ATP10B: variants seen among roughly 807,000 people sequenced by gnomAD.
The protein encoded by ATP10B is ATPase phospholipid transporting 10B (putative), also known as phospholipid-transporting ATPase VB.
ATP10B carries 122 observed loss-of-function variants against 141.2 expected under a neutral mutation model. That is an observed-to-expected ratio of 0.86 (90% CI 0.75 to 1.00). The LOEUF (loss-of-function observed/expected upper bound fraction) is 1.00. Ranked by LOEUF, ATP10B falls within the 50% of genes least tolerant of loss-of-function variation. ATP10B has a pLI of 0.00. For synonymous variants in ATP10B, 685 were observed against 692.0 expected, an observed-to-expected ratio of 0.99 and a Z score of 0.16; for missense variants, 1,876 against 1,825.3, an observed-to-expected ratio of 1.03 and a Z score of -0.51.
At chr5:160,799,668 A>G (rs964221719) in intron 1 of ATP10B, among the ~76,000 whole-genome samples, 5 of 152,218 alleles carry the variant, frequency 3.3e-5, no homozygotes, top group African/African-American at 9.7e-5. Context: ...TTTGCCATTC[A>G]TGAATGCTAG....
chr5:160,620,322 G>A, intron 15 of ATP10B, 25 bp downstream of exon 15: 2 of 1,582,284 alleles, frequency 1.3e-6, no homozygotes, highest in South Asian at 2.4e-5. Context: ...CTCTGTGCCT[G>A]GAACCCTGGT....
Position 160,620,957 on chromosome 5 carries a change from G to T in ATP10B, c.1813-7C>A, listed in dbSNP as rs772224251. 1 of 1,602,118 alleles carries T rather than the reference G, an allele frequency of 6.2e-7. No homozygotes were observed. The highest frequency in any genetic ancestry group is 8.5e-7 in the Non-Finnish European group (1 of 1,173,876). On this transcript the variant is annotated splice_region_variant and splice_polypyrimidine_tract_variant and intron_variant, in intron 14 of 25. Transcript: ENST00000327245. ...TTGAGGGTTTGATGGTGACCTTGTGGCCAAAGAAGGAAAGTGGAATATTAC... is the reference window on the plus strand; with the variant it reads ...TTGAGGGTTTGATGGTGACCTTGTGTCCAAAGAAGGAAAGTGGAATATTAC...
the ATP10B span, among the ~76,000 whole-genome samples, chr5:160,892,359 A>G: frequency 6.6e-6 from 1 of 152,216 alleles, no homozygotes; most frequent in Non-Finnish European, 1.5e-5. Flanking sequence ...TTAGCTGATG[A>G]ACGGCCTTGA....
chr5:160,802,005 T>C (rs574589094), intron 1 of ATP10B, among the ~76,000 whole-genome samples: 1 of 152,300 alleles, frequency 6.6e-6, no homozygotes, highest in Admixed American at 6.5e-5. Context: ...GATGAACGTT[T>C]GCCAGCATAG....
intron 1 of ATP10B, among the ~76,000 whole-genome samples, chr5:160,802,491 T>G (rs1772441172): frequency 6.6e-6 from 1 of 152,178 alleles, no homozygotes; most frequent in Non-Finnish European, 1.5e-5. Flanking sequence ...GATGAGACAA[T>G]GCCTGCGATA....
intron 24 of ATP10B, among the ~76,000 whole-genome samples, chr5:160,580,304 C>CATAA (rs1179864266): frequency 1.3e-5 from 2 of 152,152 alleles, no homozygotes; most frequent in Non-Finnish European, 2.9e-5. Context: ...ATGGGTTTGT[C>CATAA]ATAAATAGCT....
chr5:160,596,033 C>A (rs913080292), intron 22 of ATP10B, among the ~76,000 whole-genome samples: 19 of 151,998 alleles, frequency 1.3e-4, no homozygotes, highest in Non-Finnish European at 1.6e-4. Flanking sequence ...TCCTCCCTAA[C>A]TCATTTTATG....
chr5:160,654,688 A>AGTCATTGTC (rs1489530760), intron 7 of ATP10B, among the ~76,000 whole-genome samples: 11 of 150,602 alleles, frequency 7.3e-5, no homozygotes, highest in Non-Finnish European at 1.2e-4. Context: ...CAGATTCCAA[A>AGTCATTGTC]GTCATTGTCG....
intron 6 of ATP10B, among the ~76,000 whole-genome samples, chr5:160,680,324 C>A (rs1259136269): frequency 6.6e-6 from 1 of 151,940 alleles, no homozygotes; most frequent in Non-Finnish European, 1.5e-5. Context: ...CCTCTTAAAT[C>A]TTGTATTCTT....
chr5:160,600,100 T>C (rs1432098480), intron 21 of ATP10B, among the ~76,000 whole-genome samples: 3 of 152,230 alleles, frequency 2.0e-5, no homozygotes, highest in African/African-American at 7.2e-5. Flanking sequence ...TAGTACATCA[T>C]TGGATGTGCA....
chr5:160,762,945 A>C (rs1769148783), intron 2 of ATP10B, among the ~76,000 whole-genome samples: 1 of 152,194 alleles, frequency 6.6e-6, no homozygotes, highest in Non-Finnish European at 1.5e-5. Flanking sequence ...ACATCAAAGA[A>C]ACAACAGCTA....
chr5:160,852,255 A>T (rs1214124932), upstream of ATP10B: 1 of 152,182 alleles, frequency 6.6e-6, no homozygotes, highest in Non-Finnish European at 1.5e-5. Flanking sequence ...GTCCCAGAAC[A>T]GTGAAGGCAG....
intron 7 of ATP10B, among the ~76,000 whole-genome samples, chr5:160,656,122 C>T (rs923072186): frequency 2.0e-5 from 3 of 152,148 alleles, no homozygotes; most frequent in African/African-American, 4.8e-5. Context: ...TAAGTCTTTA[C>T]AATTAATGAT....
At chr5:160,906,572 A>T in the ATP10B span, among the ~76,000 whole-genome samples, 1 of 152,196 alleles carries the variant, frequency 6.6e-6, no homozygotes, top group Admixed American at 6.5e-5. Flanking sequence ...TTTGGCAGAC[A>T]CTGTAGATTA....
At chr5:160,701,131 A>G (rs1235936606) in intron 3 of ATP10B, among the ~76,000 whole-genome samples, 2 of 151,962 alleles carry the variant, frequency 1.3e-5, no homozygotes, top group Non-Finnish European at 2.9e-5. Context: ...TGCCCCCTCT[A>G]GTCTCTTTTC....
chr5:160,703,903 G>A (rs759572020), intron 3 of ATP10B, among the ~76,000 whole-genome samples: 5 of 152,184 alleles, frequency 3.3e-5, no homozygotes, highest in Non-Finnish European at 5.9e-5. Context: ...ATGTTAGCAT[G>A]CATGAAAACA....
chr5:160,755,590 C>A (rs929629320), intron 2 of ATP10B, among the ~76,000 whole-genome samples: 1 of 150,008 alleles, frequency 6.7e-6, no homozygotes, highest in Non-Finnish European at 1.5e-5. Flanking sequence ...CCGAGGCGGG[C>A]GGATCACGAG....
the ATP10B span, among the ~76,000 whole-genome samples, chr5:160,868,527 C>CACACACAA: frequency 7.0e-6 from 1 of 142,098 alleles, no homozygotes; most frequent in African/African-American, 2.6e-5. Flanking sequence ...CAGATACACA[C>CACACACAA]ACACACACAC....
chr5:160,828,738 C>T (rs1265614666), intron 1 of ATP10B, among the ~76,000 whole-genome samples: 1 of 151,892 alleles, frequency 6.6e-6, no homozygotes, highest in African/African-American at 2.4e-5. Flanking sequence ...AATCATGCTG[C>T]TATAAAGACA....
Sources: gnomAD v4.1 joint callset for allele counts (sites outside exome capture counted in the v4.1 genomes callset) on GRCh38, gnomAD v4.1.1 for gene constraint, MANE v1.5 for transcripts, NCBI Gene and HGNC (gene_info 2026-07-23, HGNC 2026-07-21) for gene names.